Variants in RCAN3 observed in about 807,000 individuals in gnomAD.
RCAN3 encodes calcipressin-3.
Under a neutral mutation model 21.9 loss-of-function variants are expected in RCAN3, and 19 were observed. The ratio of observed to expected loss-of-function variants is 0.87; its 90% CI spans 0.61 to 1.27. RCAN3 has a LOEUF of 1.27. RCAN3 is among the 50% of genes most tolerant of loss of function. The pLI, the probability that RCAN3 is intolerant of heterozygous loss-of-function variation, is 0.00. For synonymous variants in RCAN3, 114 were observed against 112.3 expected, an observed-to-expected ratio of 1.01 and a Z score of -0.09; for missense variants, 240 against 300.1, an observed-to-expected ratio of 0.80 and a Z score of 1.48.
At chr1:24,527,072 C>T (rs1246488433) in intron 2 of RCAN3, among the ~76,000 whole-genome samples, 3 of 152,048 alleles carry the variant, frequency 2.0e-5, no homozygotes, top group African/African-American at 7.2e-5. Flanking sequence ...TGCTCTGTTA[C>T]TCAGGTTGGA....
At chr1:24,529,580 T>C (rs1649581651) in intron 2 of RCAN3, among the ~76,000 whole-genome samples, 1 of 133,424 alleles carries the variant, frequency 7.5e-6, no homozygotes, top group South Asian at 2.5e-4. Flanking sequence ...GGACAGAGTC[T>C]CGTTCTGTCA....
intron 1 of RCAN3, among the ~76,000 whole-genome samples, chr1:24,514,103 A>G (rs561480952): frequency 6.6e-6 from 1 of 152,278 alleles, no homozygotes; most frequent in South Asian, 2.1e-4. Context: ...AATCATTGCC[A>G]GTGAAATATG....
intron 2 of RCAN3, among the ~76,000 whole-genome samples, chr1:24,518,866 C>T (rs1237061015): frequency 1.3e-5 from 2 of 151,878 alleles, no homozygotes; most frequent in Admixed American, 6.6e-5. Flanking sequence ...CTCTGCCTCC[C>T]GGGTTCAAGC....
intron 2 of RCAN3, among the ~76,000 whole-genome samples, chr1:24,530,009 A>AT (rs920207089): frequency 1.4e-5 from 2 of 142,502 alleles, no homozygotes; most frequent in Non-Finnish European, 3.0e-5. Flanking sequence ...AAAAAAAAAA[A>AT]CAAAACAAAA....
At position 24,538,436 on chromosome 1, in the gene RCAN3, ACT is replaced by A. The variant is rs1650340879; in HGVS notation, c.*3162_*3163del. ...TTTATTTATTTTGAGACAGAGTCTC[ACT>A]CTGTCGCCCAGGCTGGAGCGCAGCC... On this transcript the variant is annotated 3_prime_UTR_variant, in exon 5 of 5. Coordinates refer to ENST00000374395, the MANE Select transcript of RCAN3 (RefSeq NM_013441.4). The A allele has an allele frequency of 6.6e-6, 1 of 151,568 alleles. No homozygotes were observed. The highest frequency in any genetic ancestry group is 1.9e-4 in the East Asian group (1 of 5,166). 9.4% of individuals were successfully genotyped at this position (151,568 alleles called of 1,614,324 possible).
chr1:24,507,661 A>T (rs1647544241), intron 1 of RCAN3: 1 of 152,220 alleles, frequency 6.6e-6, no homozygotes, highest in Admixed American at 6.5e-5. Flanking sequence ...AGTGAGATAC[A>T]CTGTCACTCC....
At chr1:24,519,477 A>T (rs1278514163) in intron 2 of RCAN3, among the ~76,000 whole-genome samples, 8 of 152,146 alleles carry the variant, frequency 5.3e-5, no homozygotes, top group African/African-American at 1.9e-4. Context: ...GTTTGAGGGG[A>T]CTCAGTAAAT....
At position 24,537,589 on chromosome 1, in the gene RCAN3, A is replaced by G. The variant is rs1175407045; in HGVS notation, c.*2312A>G. ...CTTTTCTGCAATTTTTTTGAAATTG[A>G]GTTATTACTTGGATTTAACCCTGAT... On this transcript the variant is annotated 3_prime_UTR_variant, in exon 5 of 5. Transcript: ENST00000374395. 8.5e-6 allele frequency: 1 copy of G among 118,090 alleles called. No homozygotes were observed. The allele number at this position is 118,090 out of a possible 1,614,324, so 7.3% of individuals were successfully genotyped here. A position where few individuals can be genotyped will look rare whatever the true frequency, so the allele number is the denominator to read the frequency against.
chr1:24,522,192 C>T (rs527863257), intron 2 of RCAN3, among the ~76,000 whole-genome samples: 1 of 152,244 alleles, frequency 6.6e-6, no homozygotes, highest in African/African-American at 2.4e-5. Context: ...TATACACACA[C>T]ATGTGTGTGC....
intron 2 of RCAN3, among the ~76,000 whole-genome samples, chr1:24,526,840 A>T (rs931063476): frequency 1.3e-5 from 2 of 152,154 alleles, no homozygotes. Flanking sequence ...GATTTTGCAA[A>T]ATCTCAATTC....
At chr1:24,508,684 C>G (rs1647645914) in intron 1 of RCAN3, among the ~76,000 whole-genome samples, 1 of 152,136 alleles carries the variant, frequency 6.6e-6, no homozygotes, top group African/African-American at 2.4e-5. Context: ...CAACTACAGG[C>G]TTGTTCGGGG....
At position 24,538,315 on chromosome 1, in the gene RCAN3, C is replaced by CT. The variant is rs1650335760; in HGVS notation, c.*3038_*3039insT. On this transcript the variant is annotated 3_prime_UTR_variant, in exon 5 of 5. Coordinates refer to ENST00000374395, the MANE Select transcript of RCAN3 (RefSeq NM_013441.4). ...CAAAATGTTGTACTCAAAAACATACCAGTAATTAAGAGCCAAAGCAAAGCT... is the reference window on the plus strand; with the variant it reads ...CAAAATGTTGTACTCAAAAACATACCTAGTAATTAAGAGCCAAAGCAAAGCT... The CT allele has an allele frequency of 6.6e-6, 1 of 152,158 alleles. No individual in the cohort carries two copies. Among genetic ancestry groups the CT allele is most frequent in the African/African-American group, 2.4e-5 (1 of 41,426 alleles). The allele number at this position is 152,158 out of a possible 1,614,324, so 9.4% of individuals were successfully genotyped here.
intron 1 of RCAN3, among the ~76,000 whole-genome samples, chr1:24,503,634 G>A (rs1262941748): frequency 1.3e-5 from 2 of 152,242 alleles, no homozygotes; most frequent in African/African-American, 2.4e-5. Context: ...TCCGCCGCCT[G>A]GACAGGTAGG....
chr1:24,510,301 C>G (rs1249998587), intron 1 of RCAN3, among the ~76,000 whole-genome samples: 1 of 152,212 alleles, frequency 6.6e-6, no homozygotes, highest in African/African-American at 2.4e-5. Flanking sequence ...TGACTTCTAG[C>G]TATGAAAGTC....
At chr1:24,502,460 C>G (rs1479531314), upstream of RCAN3, 1 of 152,500 alleles carries the variant, frequency 6.6e-6, no homozygotes, top group African/African-American at 2.4e-5. Context: ...GGAGGTGAAC[C>G]GAGGTAAACT....
At chr1:24,521,465 G>A (rs1160167684) in intron 2 of RCAN3, among the ~76,000 whole-genome samples, 4 of 152,140 alleles carry the variant, frequency 2.6e-5, no homozygotes, top group African/African-American at 7.2e-5. Context: ...ACTCTTAGAA[G>A]ATGCAGTAGC....
Position 24,535,147 on chromosome 1 carries a change from A to G in RCAN3, c.596A>G (p.His199Arg). The G allele has an allele frequency of 1.3e-6, 2 of 1,598,746 alleles. No individual in the cohort carries two copies. The highest frequency in any genetic ancestry group is 1.7e-6 in the Non-Finnish European group (2 of 1,174,836). ...GAGTCGACACCCAGCGTGGTGGTTCATGTCTGTGAAAGTGAAACTGAAGAG... is the reference window on the plus strand; with the variant it reads ...GAGTCGACACCCAGCGTGGTGGTTCGTGTCTGTGAAAGTGAAACTGAAGAG... The part of the protein sequence containing the change: ...GTESTPSVVV[H>R]VCESETEEEE... Residue 199 changes from histidine to arginine, a missense_variant, in exon 5 of 5, where the codon CAT becomes CGT. His to Arg is a conservative substitution (Grantham distance 29). Transcript: ENST00000374395.
chr1:24,522,387 T>C (rs1648893600), intron 2 of RCAN3, among the ~76,000 whole-genome samples: 1 of 152,170 alleles, frequency 6.6e-6, no homozygotes, highest in South Asian at 2.1e-4. Flanking sequence ...ATGCACAGAC[T>C]TGGAAGCATG....
intron 2 of RCAN3, among the ~76,000 whole-genome samples, chr1:24,521,467 TGC>T (rs1385649767): frequency 3.9e-5 from 6 of 152,170 alleles, no homozygotes; most frequent in African/African-American, 1.4e-4. Flanking sequence ...TCTTAGAAGA[TGC>T]AGTAGCATCT....
Sources: allele counts gnomAD v4.1 joint callset (sites outside exome capture counted in the v4.1 genomes callset), GRCh38; gene constraint gnomAD v4.1.1; transcripts MANE v1.5; gene names NCBI Gene and HGNC (gene_info 2026-07-23, HGNC 2026-07-21).